CNTN5: variants seen among roughly 807,000 people sequenced by gnomAD.
CNTN5 encodes the protein contactin-5.
In CNTN5, 77 loss-of-function variants were observed where a neutral mutation model predicts 129.1. The observed-to-expected ratio is 0.60, with a 90% confidence interval of 0.50 to 0.72. CNTN5 has a LOEUF of 0.72. CNTN5 is among the 30% of genes least tolerant of loss of function. The probability of loss-of-function intolerance (pLI) is 0.00; values close to 1 mark genes in which losing one functional copy is unlikely to be tolerated. For synonymous variants in CNTN5, 509 were observed against 465.6 expected (o/e 1.09, Z -1.20); for missense variants, 1,478 against 1,328.8 (o/e 1.11, Z -1.75).
rs1411995853 is a variant in CNTN5, at chr11:99,414,860, A to C, written c.-71+89376A>C. Among the ~76,000 whole-genome samples the C allele has an allele frequency of 2.0e-5, 3 of 152,312 alleles. No homozygotes were observed. In the East Asian group the frequency reaches 5.8e-4, roughly 29 times the overall value. The stretch of plus-strand genomic sequence containing the variant: ...AGACAATCAAACGGGTGGTCAGAGT[A>C]AGGATACTGAATATAGTTTAACAAG... On this transcript the variant is annotated intron_variant, in intron 2 of 24. Transcript: ENST00000524871.
intron 13 of CNTN5, among the ~76,000 whole-genome samples, chr11:100,133,117 A>G (rs1946425589): frequency 6.6e-6 from 1 of 152,174 alleles, no homozygotes. Context: ...AAAAATGACC[A>G]CATAGATCAA....
At chr11:99,916,892 G>A (rs1019393557) in intron 7 of CNTN5, among the ~76,000 whole-genome samples, 1 of 152,044 alleles carries the variant, frequency 6.6e-6, no homozygotes, top group African/African-American at 2.4e-5. Context: ...AAGAACCAAG[G>A]AATGAAGGCC....
At chr11:99,802,376 A>T (rs1946141163) in intron 3 of CNTN5, among the ~76,000 whole-genome samples, 1 of 152,102 alleles carries the variant, frequency 6.6e-6, no homozygotes, top group Non-Finnish European at 1.5e-5. Flanking sequence ...AGGGGGAAAG[A>T]TGTGCTTGTC....
At chr11:99,109,045 G>A (rs1857652597) in intron 1 of CNTN5, among the ~76,000 whole-genome samples, 1 of 151,338 alleles carries the variant, frequency 6.6e-6, no homozygotes, top group Admixed American at 6.6e-5. Context: ...ATATGTATAT[G>A]TATATACACA....
intron 6 of CNTN5, among the ~76,000 whole-genome samples, chr11:99,887,579 G>A (rs909853930): frequency 6.6e-6 from 1 of 152,228 alleles, no homozygotes; most frequent in African/African-American, 2.4e-5. Context: ...TAGGCCATCT[G>A]CAAACTGAGC....
chr11:99,368,141 A>G (rs960294189), intron 2 of CNTN5, among the ~76,000 whole-genome samples: 27 of 152,274 alleles, frequency 1.8e-4, no homozygotes, highest in African/African-American at 6.5e-4. Context: ...CCCAAATCAG[A>G]TGGCCACAAA....
rs117859090 is a variant in CNTN5, at chr11:99,955,213, A to G, written c.674-1593A>G. 9.9e-3 allele frequency among the ~76,000 whole-genome samples: 1,500 copies of G among 151,518 alleles called. 13 individuals are homozygous for G. Among genetic ancestry groups the G allele is most frequent in the Non-Finnish European group, 0.016 (1,090 of 67,830 alleles). The stretch of plus-strand genomic sequence containing the variant: ...ATGAATTATGTGTGAATGACAAGTA[A>G]CACTTCCATTATAGCAATTAAAGGG... On this transcript the variant is annotated intron_variant, in intron 7 of 24. Coordinates refer to ENST00000524871, the MANE Select transcript of CNTN5 (RefSeq NM_014361.4).
At chr11:100,107,902 T>C (rs770249460) in intron 13 of CNTN5, among the ~76,000 whole-genome samples, 1 of 151,890 alleles carries the variant, frequency 6.6e-6, no homozygotes, top group Non-Finnish European at 1.5e-5. Flanking sequence ...CAAAATGTAA[T>C]ATAGTTTATA....
At chr11:100,087,776 T>C (rs1403008423) in intron 13 of CNTN5, among the ~76,000 whole-genome samples, 1 of 151,882 alleles carries the variant, frequency 6.6e-6, no homozygotes, top group Non-Finnish European at 1.5e-5. Flanking sequence ...CTGGACTTAA[T>C]AGAAATCTAC....
At chr11:100,057,934 C>T (rs529731744) in intron 9 of CNTN5, among the ~76,000 whole-genome samples, 6 of 152,084 alleles carry the variant, frequency 3.9e-5, no homozygotes, top group African/African-American at 1.2e-4. Context: ...TGACATAAGT[C>T]GTAATATTTC....
intron 7 of CNTN5, among the ~76,000 whole-genome samples, chr11:99,920,972 T>G (rs1027704220): frequency 3.8e-4 from 58 of 152,222 alleles, no homozygotes; most frequent in African/African-American, 1.4e-3. Flanking sequence ...AATGACTTTA[T>G]TAGAAGAGAC....
intron 16 of CNTN5, among the ~76,000 whole-genome samples, chr11:100,249,622 T>G (rs1190287752): frequency 6.6e-6 from 1 of 152,204 alleles, no homozygotes; most frequent in Non-Finnish European, 1.5e-5. Context: ...GGCATTTGTG[T>G]ATCATCTGGA....
At chr11:99,633,116 T>A (rs1011511912) in intron 3 of CNTN5, among the ~76,000 whole-genome samples, 1 of 151,940 alleles carries the variant, frequency 6.6e-6, no homozygotes, top group Non-Finnish European at 1.5e-5. Flanking sequence ...CAGAAATAAC[T>A]CTCCTCCAAG....
chr11:99,338,014 T>C (rs1158770430), intron 2 of CNTN5, among the ~76,000 whole-genome samples: 2 of 152,150 alleles, frequency 1.3e-5, no homozygotes, highest in Non-Finnish European at 2.9e-5. Flanking sequence ...TTAGTTTAAA[T>C]TCATAAACTT....
At chr11:99,078,736 A>G (rs1565299836) in intron 1 of CNTN5, among the ~76,000 whole-genome samples, 1 of 152,184 alleles carries the variant, frequency 6.6e-6, no homozygotes, top group Non-Finnish European at 1.5e-5. Flanking sequence ...GGAGCTAAAA[A>G]TTAAAGCAAT....
At chr11:99,555,604 A>G (rs1318367053) in intron 2 of CNTN5, among the ~76,000 whole-genome samples, 2 of 151,982 alleles carry the variant, frequency 1.3e-5, no homozygotes, top group East Asian at 1.9e-4. Flanking sequence ...AAAGGAGAGA[A>G]CTATAACACA....
At chr11:99,107,176 A>G (rs991355733) in intron 1 of CNTN5, among the ~76,000 whole-genome samples, 6 of 152,174 alleles carry the variant, frequency 3.9e-5, no homozygotes, top group Non-Finnish European at 8.8e-5. Context: ...TGATGCCCCT[A>G]GCATATTGAA....
At chr11:100,114,080 T>C (rs573955139) in intron 13 of CNTN5, among the ~76,000 whole-genome samples, 3 of 152,228 alleles carry the variant, frequency 2.0e-5, no homozygotes, top group East Asian at 3.9e-4. Flanking sequence ...GGTTGGAGCA[T>C]AGGTAAAAGT....
chr11:100,146,690 G>A (rs1946862019), intron 13 of CNTN5, among the ~76,000 whole-genome samples: 1 of 152,058 alleles, frequency 6.6e-6, no homozygotes, highest in Non-Finnish European at 1.5e-5. Context: ...ATATAATATA[G>A]TTAGAATCTT....
Sources: allele counts gnomAD v4.1 joint callset (sites outside exome capture counted in the v4.1 genomes callset), GRCh38; gene constraint gnomAD v4.1.1; transcripts MANE v1.5; gene names NCBI Gene and HGNC (gene_info 2026-07-23, HGNC 2026-07-21).